Variants in RTKN2 observed in about 807,000 individuals in gnomAD.
RTKN2 encodes rhotekin-2.
A neutral mutation model predicts 71.5 loss-of-function variants in RTKN2; 69 were observed. The observed-to-expected ratio is 0.96, with a 90% confidence interval of 0.79 to 1.18. RTKN2 has a LOEUF of 1.18. Ranked by LOEUF, RTKN2 falls within the 50% of genes most tolerant of loss-of-function variation. The pLI, the probability that RTKN2 is intolerant of heterozygous loss-of-function variation, is 0.00. For synonymous variants in RTKN2, 236 were observed against 236.5 expected, an observed-to-expected ratio of 1.00 and a Z score of 0.02; for missense variants, 724 against 719.7, an observed-to-expected ratio of 1.01 and a Z score of -0.07.
intron 8 of RTKN2, among the ~76,000 whole-genome samples, chr10:62,186,263 A>G (rs1360791892): frequency 6.6e-6 from 1 of 152,176 alleles, no homozygotes; most frequent in Non-Finnish European, 1.5e-5. Context: ...CAATTCAGCT[A>G]ATGTTTCTAC....
intron 7 of RTKN2, among the ~76,000 whole-genome samples, chr10:62,221,477 A>T (rs1434145680): frequency 2.0e-5 from 3 of 152,146 alleles, no homozygotes; most frequent in Non-Finnish European, 4.4e-5. Flanking sequence ...CGGTAAAAAA[A>T]AGATTGTCAA....
chr10:62,184,321 G>A (rs1269373784), exon 9 of RTKN2: 2 of 1,525,782 alleles, frequency 1.3e-6, no homozygotes, highest in Admixed American at 2.0e-5. Context: ...TATTTGAGAA[G>A]CTATGTGAAG....
chr10:62,263,578 T>A (rs1004512816), intron 1 of RTKN2, among the ~76,000 whole-genome samples: 1 of 152,192 alleles, frequency 6.6e-6, no homozygotes. Context: ...GATGGCAGTG[T>A]GGTTGATGAC....
In RTKN2 at chr10:62,195,517, CAG is replaced by C. The variant is rs1212971973; in HGVS notation, c.*2389_*2390del. On this transcript the variant is annotated 3_prime_UTR_variant, in exon 12 of 12. Coordinates refer to ENST00000373789, the MANE Select transcript of RTKN2 (RefSeq NM_145307.4). ...AGGAAAGTGGGAAAAGGGGATGAGA[CAG>C]AGAGAGAGGACAGGGGGCCAGAGAA... 3.8e-6 allele frequency: 3 copies of C among 781,046 alleles called. No individual in the cohort carries two copies. Among genetic ancestry groups the C allele is most frequent in the East Asian group, 1.3e-4 (1 of 7,658 alleles). The allele number at this position is 781,046 out of a possible 1,614,324, so 48.4% of individuals were successfully genotyped here. A position where few individuals can be genotyped will look rare whatever the true frequency, so the allele number is the denominator to read the frequency against.
chr10:62,217,330 G>T, intron 8 of RTKN2, 81 bp from the exon 9 acceptor site: 2 of 957,308 alleles, frequency 2.1e-6, no homozygotes, highest in Non-Finnish European at 1.5e-6. Flanking sequence ...ACTTATCAAG[G>T]TTAAATTAGT....
intron 6 of RTKN2, among the ~76,000 whole-genome samples, chr10:62,229,045 T>G (rs920865393): frequency 6.6e-6 from 1 of 152,170 alleles, no homozygotes; most frequent in Non-Finnish European, 1.5e-5. Flanking sequence ...GTATCTCAAG[T>G]GAGACCAGGA....
intron 1 of RTKN2, among the ~76,000 whole-genome samples, chr10:62,264,257 T>A (rs1253979218): frequency 6.6e-6 from 1 of 152,190 alleles, no homozygotes; most frequent in South Asian, 2.1e-4. Context: ...AACTTGACTA[T>A]CCAAATCAAT....
chr10:62,246,207 T>C (rs574683262), intron 2 of RTKN2, 150 bp from the exon 3 acceptor site: 1 of 582,282 alleles, frequency 1.7e-6, no homozygotes, highest in South Asian at 2.3e-5. Flanking sequence ...GACTCAAACT[T>C]TAAGATGTTT....
At chr10:62,256,398 C>A (rs997367633) in intron 2 of RTKN2, among the ~76,000 whole-genome samples, 3 of 152,058 alleles carry the variant, frequency 2.0e-5, no homozygotes, top group African/African-American at 7.2e-5. Flanking sequence ...GAGTTATAAC[C>A]AAATGTACTG....
At chr10:62,203,968 A>C (rs1841499195) in intron 10 of RTKN2, among the ~76,000 whole-genome samples, 1 of 152,204 alleles carries the variant, frequency 6.6e-6, no homozygotes, top group African/African-American at 2.4e-5. Flanking sequence ...TGAGGGCTGC[A>C]AGTATTAACT....
chr10:62,229,757 C>T (rs979864652), intron 6 of RTKN2, among the ~76,000 whole-genome samples: 2 of 152,096 alleles, frequency 1.3e-5, no homozygotes, highest in African/African-American at 4.8e-5. Flanking sequence ...TATGTGATAA[C>T]CAAACTATAT....
At chr10:62,242,606 G>C (rs1406946697) in intron 3 of RTKN2, among the ~76,000 whole-genome samples, 2 of 144,366 alleles carry the variant, frequency 1.4e-5, no homozygotes, top group Non-Finnish European at 3.0e-5. Flanking sequence ...AGTTTTGTAA[G>C]TCTACAATCT....
Position 62,199,868 on chromosome 10 carries a change from CA to C in RTKN2, c.1187-8del. On this transcript the variant is annotated splice_region_variant and splice_polypyrimidine_tract_variant and intron_variant, in intron 10 of 11. Coordinates refer to ENST00000373789, the MANE Select transcript of RTKN2 (RefSeq NM_145307.4). ...CAACAGTGCTTCCATTGGCCTAAGA[CA>C]GACAGAAAAAAGGTAGACTAGTTTA... The C allele has an allele frequency of 6.4e-7, 1 of 1,572,122 alleles. No homozygotes were observed. Among genetic ancestry groups the C allele is most frequent in the Non-Finnish European group, 8.7e-7 (1 of 1,145,492 alleles).
chr10:62,265,102 TA>T (rs3080113), intron 1 of RTKN2, among the ~76,000 whole-genome samples: 110,473 of 151,376 alleles, frequency 0.73, 40,544 homozygotes, highest in East Asian at 0.9. Context: ...AAGTCAGGAT[TA>T]AAAAAAAAAT....
rs1486560266 is a variant in RTKN2, at chr10:62,194,191, C to T, written c.*3717G>A. 1 of 983,008 alleles carries T rather than the reference C, an allele frequency of 1.0e-6. No individual in the cohort carries two copies. The highest frequency in any genetic ancestry group is 1.8e-5 in the African/African-American group (1 of 57,072). The allele number at this position is 983,008 out of a possible 1,614,324, so 60.9% of individuals were successfully genotyped here. ...CAAGCATGTCAGAAAATCAACACAC[C>T]CTAATATATTTTCAAATGATGACTT... On this transcript the variant is annotated 3_prime_UTR_variant, in exon 12 of 12. Transcript: ENST00000373789.
At chr10:62,185,573 C>A (rs530401925) in intron 8 of RTKN2, among the ~76,000 whole-genome samples, 94 of 152,166 alleles carry the variant, frequency 6.2e-4, no homozygotes, top group African/African-American at 2.1e-3. Flanking sequence ...GAATGGAGAT[C>A]GTGCCACTGC....
chr10:62,186,570 A>G (rs1158637536), intron 8 of RTKN2, among the ~76,000 whole-genome samples: 1 of 151,164 alleles, frequency 6.6e-6, no homozygotes, highest in East Asian at 2.0e-4. Flanking sequence ...GGGGTGGGGT[A>G]GAGGCATGGT....
At chr10:62,205,969 A>C (rs949237442) in intron 9 of RTKN2, among the ~76,000 whole-genome samples, 1 of 152,206 alleles carries the variant, frequency 6.6e-6, no homozygotes, top group Non-Finnish European at 1.5e-5. Context: ...TATAAGTACA[A>C]TGTGAGCCAC....
intron 1 of RTKN2, among the ~76,000 whole-genome samples, chr10:62,265,117 C>T (rs1403315371): frequency 3.3e-5 from 5 of 151,526 alleles, no homozygotes; most frequent in African/African-American, 7.3e-5. Context: ...AAAAAATGTA[C>T]GTGTAAAAAG....
Sources: gnomAD v4.1 joint callset for allele counts (sites outside exome capture counted in the v4.1 genomes callset) on GRCh38, gnomAD v4.1.1 for gene constraint, MANE v1.5 for transcripts, NCBI Gene and HGNC (gene_info 2026-07-23, HGNC 2026-07-21) for gene names.